Variants in RNFT2 observed in about 807,000 individuals in gnomAD.
The protein encoded by RNFT2 is E3 ubiquitin-protein ligase RNFT2.
In RNFT2, 36 loss-of-function variants were observed where a neutral mutation model predicts 53.0. The observed-to-expected ratio is 0.68, with a 90% confidence interval of 0.52 to 0.90. RNFT2 has a LOEUF of 0.90. Among genes scored for constraint, RNFT2 ranks in the 40% least tolerant of loss-of-function variants. RNFT2 has a pLI of 0.00. For missense variants in RNFT2, 514 were observed against 585.6 expected (o/e 0.88, Z 1.26); for synonymous variants, 260 against 253.2 (o/e 1.03, Z -0.26).
At chr12:116,841,535 G>A (rs1877248573) in intron 10 of RNFT2, among the ~76,000 whole-genome samples, 1 of 150,754 alleles carries the variant, frequency 6.6e-6, no homozygotes, top group Non-Finnish European at 1.5e-5. Flanking sequence ...ATCACCTGAG[G>A]TCAGGAGTTC....
At chr12:116,771,715 T>G (rs1873204150) in intron 6 of RNFT2, among the ~76,000 whole-genome samples, 1 of 152,044 alleles carries the variant, frequency 6.6e-6, no homozygotes, top group Non-Finnish European at 1.5e-5. Flanking sequence ...GGCACCCTCT[T>G]CTGTGACATT....
At chr12:116,777,700 C>T (rs118010498) in intron 6 of RNFT2, among the ~76,000 whole-genome samples, 3,183 of 152,210 alleles carry the variant, frequency 0.021, 51 homozygotes, top group Middle Eastern at 0.037. Flanking sequence ...ACTGCTGCAC[C>T]GCAGGGTCTG....
intron 6 of RNFT2, among the ~76,000 whole-genome samples, chr12:116,769,603 T>C (rs1032813527): frequency 5.9e-5 from 9 of 152,210 alleles, no homozygotes; most frequent in Admixed American, 6.5e-5. Flanking sequence ...AAAGAAAATA[T>C]TTCTGTACAG....
intron 5 of RNFT2, among the ~76,000 whole-genome samples, chr12:116,757,758 GA>G (rs779386612): frequency 1.0e-3 from 158 of 152,192 alleles, no homozygotes; most frequent in Non-Finnish European, 1.8e-3. Flanking sequence ...GTCTATCTTG[GA>G]GAAAGTTCCA....
chr12:116,807,882 C>T (rs1875159881), intron 7 of RNFT2, among the ~76,000 whole-genome samples: 1 of 152,170 alleles, frequency 6.6e-6, no homozygotes, highest in Non-Finnish European at 1.5e-5. Context: ...TGGCTCACTA[C>T]AGCCTCAAAC....
At chr12:116,787,718 GA>G (rs55938203) in intron 7 of RNFT2, among the ~76,000 whole-genome samples, 109,848 of 141,124 alleles carry the variant, frequency 0.78, 42,833 homozygotes, top group Non-Finnish European at 0.84. Flanking sequence ...GTCTCTAAAA[GA>G]AAAAAAAAAA....
chr12:116,807,927 C>T (rs185609993), intron 7 of RNFT2, among the ~76,000 whole-genome samples: 3 of 152,296 alleles, frequency 2.0e-5, no homozygotes, highest in African/African-American at 4.8e-5. Flanking sequence ...CCTCAGCCCC[C>T]TGAGTAGCTG....
At chr12:116,796,250 T>C (rs1438849666) in intron 7 of RNFT2, among the ~76,000 whole-genome samples, 1 of 152,242 alleles carries the variant, frequency 6.6e-6, no homozygotes, top group East Asian at 1.9e-4. Context: ...TATCATAAGG[T>C]GCAAGGTCAG....
At chr12:116,814,997 A>G (rs889564537) in intron 7 of RNFT2, among the ~76,000 whole-genome samples, 3 of 152,190 alleles carry the variant, frequency 2.0e-5, no homozygotes, top group African/African-American at 7.2e-5. Context: ...CGGCCTCCCA[A>G]AGTGCTGGGA....
At chr12:116,749,430 A>C (rs2137071147) in intron 3 of RNFT2, among the ~76,000 whole-genome samples, 1 of 152,094 alleles carries the variant, frequency 6.6e-6, no homozygotes, top group East Asian at 1.9e-4. Context: ...GGCATGCGCC[A>C]CCATGCCTGG....
intron 7 of RNFT2, among the ~76,000 whole-genome samples, chr12:116,798,056 C>T (rs550267271): frequency 7.9e-5 from 12 of 152,244 alleles, no homozygotes; most frequent in Non-Finnish European, 1.0e-4. Flanking sequence ...AGTCAAGTCC[C>T]GCCTGCTACC....
intron 10 of RNFT2, among the ~76,000 whole-genome samples, chr12:116,837,712 T>G (rs1242209835): frequency 6.6e-6 from 1 of 152,172 alleles, no homozygotes; most frequent in African/African-American, 2.4e-5. Context: ...GGGACATTAG[T>G]AGAAAACAGG....
At chr12:116,811,373 A>ATTT (rs35453575) in intron 7 of RNFT2, among the ~76,000 whole-genome samples, 13 of 147,814 alleles carry the variant, frequency 8.8e-5, no homozygotes, top group East Asian at 2.0e-4. Flanking sequence ...CAATGGGTGT[A>ATTT]TTTTTTTTTT....
chr12:116,820,085 A>ATTGT (rs974469726), intron 7 of RNFT2, among the ~76,000 whole-genome samples: 79 of 152,070 alleles, frequency 5.2e-4, no homozygotes, highest in Middle Eastern at 3.4e-3. Context: ...TTTAAGGGAT[A>ATTGT]TTGTTTGTTT....
At chr12:116,811,415 G>A (rs111960905) in intron 7 of RNFT2, among the ~76,000 whole-genome samples, 2 of 149,892 alleles carry the variant, frequency 1.3e-5, no homozygotes, top group Admixed American at 6.7e-5. Context: ...TCACTCTGTC[G>A]CCCAGGCTGG....
intron 2 of RNFT2, 101 bp downstream of exon 2, chr12:116,740,622 C>T (rs1871560525): frequency 2.1e-5 from 22 of 1,052,464 alleles, no homozygotes; most frequent in Non-Finnish European, 2.9e-5. Context: ...TCCCATGTAA[C>T]ACATGGGGAA....
chr12:116,749,560 A>G (rs986370692), intron 3 of RNFT2, among the ~76,000 whole-genome samples: 1 of 152,104 alleles, frequency 6.6e-6, no homozygotes, highest in Admixed American at 6.5e-5. Context: ...GATTACAGGC[A>G]TGAGCCACTG....
chr12:116,851,742 C>T lies in RNFT2; in HGVS notation c.*2294C>T. 4.2e-6 allele frequency: 3 copies of T among 716,870 alleles called. No homozygotes were observed. The highest frequency in any genetic ancestry group is 2.4e-6 in the Non-Finnish European group (1 of 408,576). 44.4% of individuals were successfully genotyped at this position (716,870 alleles called of 1,614,324 possible). On this transcript the variant is annotated 3_prime_UTR_variant, in exon 11 of 11. Transcript: ENST00000257575. ...GGTGACAGAGTGAGTGAGACTCTGT[C>T]TAAAAAAAAAAAGAAAGAAAGAAGG...
chr12:116,742,409 A>G (rs1322619835), intron 3 of RNFT2, among the ~76,000 whole-genome samples: 1 of 151,804 alleles, frequency 6.6e-6, no homozygotes, highest in Non-Finnish European at 1.5e-5. Context: ...AGCTGGGACT[A>G]AAGGCATGCA....
Sources: gnomAD v4.1 joint callset for allele counts (sites outside exome capture counted in the v4.1 genomes callset) on GRCh38, gnomAD v4.1.1 for gene constraint, MANE v1.5 for transcripts, NCBI Gene and HGNC (gene_info 2026-07-23, HGNC 2026-07-21) for gene names.